The following SNTG1 variants were observed in gnomAD, a reference collection of about 807,000 sequenced individuals.
The protein encoded by SNTG1 is syntrophin gamma 1.
In SNTG1, 39 loss-of-function variants were observed where a neutral mutation model predicts 74.7. The ratio of observed to expected loss-of-function variants is 0.52; its 90% CI spans 0.40 to 0.68. The LOEUF (loss-of-function observed/expected upper bound fraction) is 0.68. Ranked by LOEUF, SNTG1 falls within the 30% of genes least tolerant of loss-of-function variation. The pLI is 0.00. For synonymous variants in SNTG1, 254 were observed against 217.1 expected, an observed-to-expected ratio of 1.17 and a Z score of -1.49; for missense variants, 685 against 609.5, an observed-to-expected ratio of 1.12 and a Z score of -1.30.
intron 14 of SNTG1, among the ~76,000 whole-genome samples, chr8:50,657,749 T>C (rs1167972077): frequency 6.6e-6 from 1 of 152,162 alleles, no homozygotes; most frequent in Non-Finnish European, 1.5e-5. Context: ...TCTCTCTATA[T>C]AAAATCAATA....
chr8:50,040,951 T>G (rs1242807481), intron 1 of SNTG1, among the ~76,000 whole-genome samples: 1 of 152,106 alleles, frequency 6.6e-6, no homozygotes, highest in Non-Finnish European at 1.5e-5. Context: ...GGCTGGAGTG[T>G]AATGGCATGA....
At chr8:50,436,336 G>T (rs567082879) in intron 4 of SNTG1, among the ~76,000 whole-genome samples, 4 of 152,178 alleles carry the variant, frequency 2.6e-5, no homozygotes, top group Admixed American at 1.3e-4. Flanking sequence ...AAATAGTCAC[G>T]ATTTAATTCA....
chr8:50,041,123 C>T (rs985971856), intron 1 of SNTG1, among the ~76,000 whole-genome samples: 14 of 152,034 alleles, frequency 9.2e-5, no homozygotes, highest in South Asian at 2.1e-4. Context: ...CTCGAGCTCC[C>T]GACCTCAGAT....
chr8:50,734,975 C>A (rs1330266701), intron 17 of SNTG1, among the ~76,000 whole-genome samples: 1 of 115,890 alleles, frequency 8.6e-6, no homozygotes, highest in African/African-American at 3.7e-5. Flanking sequence ...CCATATATAT[C>A]TATCCATATA....
intron 1 of SNTG1, among the ~76,000 whole-genome samples, chr8:49,983,623 C>G (rs966094815): frequency 6.6e-6 from 1 of 152,094 alleles, no homozygotes; most frequent in Non-Finnish European, 1.5e-5. Flanking sequence ...CTGCTCTTGC[C>G]CTGGATAGCC....
chr8:50,659,209 A>T (rs897370529), intron 15 of SNTG1, among the ~76,000 whole-genome samples: 1 of 152,310 alleles, frequency 6.6e-6, no homozygotes, highest in African/African-American at 2.4e-5. Flanking sequence ...CATATGCAGG[A>T]TTATTACAAT....
chr8:50,269,955 T>C (rs2087691903), intron 2 of SNTG1, among the ~76,000 whole-genome samples: 1 of 152,206 alleles, frequency 6.6e-6, no homozygotes, highest in African/African-American at 2.4e-5. Flanking sequence ...AAAAGATTTT[T>C]TCTTCTTTCT....
chr8:50,357,159 C>A (rs574386668), intron 2 of SNTG1, among the ~76,000 whole-genome samples: 3 of 152,300 alleles, frequency 2.0e-5, no homozygotes, highest in Admixed American at 2.0e-4. Context: ...CAGCCATACT[C>A]CTTGGTGTGG....
chr8:50,528,287 T>A (rs948459785), intron 9 of SNTG1, among the ~76,000 whole-genome samples: 1 of 151,988 alleles, frequency 6.6e-6, no homozygotes, highest in Non-Finnish European at 1.5e-5. Flanking sequence ...TTAAAGATGT[T>A]CTTTATCAGA....
chr8:50,423,004 T>A (rs2093114541), intron 4 of SNTG1, among the ~76,000 whole-genome samples: 1 of 152,228 alleles, frequency 6.6e-6, no homozygotes, highest in Non-Finnish European at 1.5e-5. Context: ...GGAGGTGGGT[T>A]TGGGGGGGTT....
chr8:50,250,301 A>C lies in SNTG1; in HGVS notation c.-28+77666A>C, dbSNP rs983250091. ...AAAAAAGGAAAGAAGAATGAAAAAGAATAAAGAAAGCCTATGTGATATATG... is the reference window on the plus strand; with the variant it reads ...AAAAAAGGAAAGAAGAATGAAAAAGCATAAAGAAAGCCTATGTGATATATG... On this transcript the variant is annotated intron_variant, in intron 2 of 18. Transcript: ENST00000642720. 2.0e-5 allele frequency among the ~76,000 whole-genome samples: 3 copies of C among 152,122 alleles called. No individual in the cohort carries two copies. In the East Asian group the frequency reaches 5.8e-4, roughly 29 times the overall value.
intron 16 of SNTG1, among the ~76,000 whole-genome samples, chr8:50,707,695 T>C (rs557787145): frequency 8.8e-5 from 12 of 136,814 alleles, no homozygotes; most frequent in Admixed American, 4.2e-4. Context: ...TCTTCCTTTT[T>C]TTCTTCTCTC....
intron 17 of SNTG1, among the ~76,000 whole-genome samples, chr8:50,719,205 T>C (rs1037861482): frequency 6.6e-6 from 1 of 152,214 alleles, no homozygotes; most frequent in African/African-American, 2.4e-5. Flanking sequence ...TCAAAATTCA[T>C]ACATTAGAAC....
intron 1 of SNTG1, among the ~76,000 whole-genome samples, chr8:50,032,273 C>G (rs969055888): frequency 6.6e-6 from 1 of 151,518 alleles, no homozygotes; most frequent in Non-Finnish European, 1.5e-5. Context: ...TCTTTTCTTT[C>G]TATTCTTCAA....
intron 4 of SNTG1, among the ~76,000 whole-genome samples, chr8:50,409,555 T>G (rs1587514419): frequency 6.6e-6 from 1 of 152,292 alleles, no homozygotes; most frequent in Non-Finnish European, 1.5e-5. Flanking sequence ...CGTTGTCAGA[T>G]AGATGTGTTA....
chr8:50,302,650 T>C (rs1355754749), intron 2 of SNTG1, among the ~76,000 whole-genome samples: 1 of 152,194 alleles, frequency 6.6e-6, no homozygotes, highest in Non-Finnish European at 1.5e-5. Context: ...TTACATATCT[T>C]GGGTGTGAAC....
chr8:50,400,693 C>G (rs2092792028), intron 3 of SNTG1, among the ~76,000 whole-genome samples: 2 of 152,196 alleles, frequency 1.3e-5, no homozygotes, highest in South Asian at 4.1e-4. Flanking sequence ...AGTCACCATT[C>G]TAACTTGGGT....
chr8:50,672,459 T>C (rs1485880074), intron 15 of SNTG1, among the ~76,000 whole-genome samples: 1 of 151,964 alleles, frequency 6.6e-6, no homozygotes, highest in Admixed American at 6.6e-5. Flanking sequence ...TTTTTTCACA[T>C]GTTTTTGGCC....
chr8:50,094,079 G>A (rs1377345896), intron 1 of SNTG1, among the ~76,000 whole-genome samples: 1 of 152,134 alleles, frequency 6.6e-6, no homozygotes, highest in Non-Finnish European at 1.5e-5. Context: ...ACTGATGTCT[G>A]AGTCTTGTGG....
Sources: gnomAD v4.1 joint callset for allele counts (sites outside exome capture counted in the v4.1 genomes callset) on GRCh38, gnomAD v4.1.1 for gene constraint, MANE v1.5 for transcripts, NCBI Gene and HGNC (gene_info 2026-07-23, HGNC 2026-07-21) for gene names.